ANKIB1: variants seen among roughly 807,000 people sequenced by gnomAD.
ANKIB1 encodes ankyrin repeat and IBR domain containing 1.
A neutral mutation model predicts 122.1 loss-of-function variants in ANKIB1; 43 were observed. That is an observed-to-expected ratio of 0.35 (90% CI 0.28 to 0.45). The LOEUF (loss-of-function observed/expected upper bound fraction) is 0.45. Among genes scored for constraint, ANKIB1 ranks in the 20% least tolerant of loss-of-function variants. The pLI, the probability that ANKIB1 is intolerant of heterozygous loss-of-function variation, is 1.00. For missense variants in ANKIB1, 992 were observed against 1,329.5 expected (o/e 0.75, Z 3.95); for synonymous variants, 390 against 442.0 (o/e 0.88, Z 1.48).
chr7:92,307,775 G>T (rs1430329662), intron 3 of ANKIB1, 119 bp downstream of exon 3: 359 of 406,996 alleles, frequency 8.8e-4, no homozygotes, highest in South Asian at 3.1e-3. Flanking sequence ...TTTCTCTTTT[G>T]TCTTCTAAAA....
At chr7:92,307,808 CTTTTTTTTT>C (rs71107855) in intron 3 of ANKIB1, among the ~76,000 whole-genome samples, 152 bp downstream of exon 3, 1 of 47,906 alleles carries the variant, frequency 2.1e-5, no homozygotes, top group African/African-American at 9.2e-5. Context: ...TAAAGGGCCT[CTTTTTTTTT>C]TTTTTTTTTT....
chr7:92,319,584 T>C, intron 4 of ANKIB1, 72 bp downstream of exon 4: 2 of 1,452,748 alleles, frequency 1.4e-6, no homozygotes, highest in Non-Finnish European at 1.9e-6. Flanking sequence ...TGTATTTTTC[T>C]TCTTTAAAAC....
At chr7:92,382,349 G>A (rs1019118497) in intron 11 of ANKIB1, among the ~76,000 whole-genome samples, 1 of 152,142 alleles carries the variant, frequency 6.6e-6, no homozygotes, top group Non-Finnish European at 1.5e-5. Context: ...AGGTCAACAA[G>A]GATATCCAGG....
chr7:92,300,809 A>G (rs542060813), intron 2 of ANKIB1, among the ~76,000 whole-genome samples: 3 of 152,228 alleles, frequency 2.0e-5, no homozygotes, highest in South Asian at 4.1e-4. Context: ...AACCTAATTC[A>G]TCTTCTAACT....
intron 1 of ANKIB1, among the ~76,000 whole-genome samples, chr7:92,255,160 G>A (rs1390252419): frequency 1.3e-5 from 2 of 152,108 alleles, no homozygotes; most frequent in East Asian, 1.9e-4. Flanking sequence ...GTCTTTATCA[G>A]CAATGTGAAA....
Position 92,396,543 on chromosome 7 carries a change from A to T in ANKIB1, c.2395+67A>T, listed in dbSNP as rs947510403. 3 of 806,704 alleles carry T rather than the reference A, an allele frequency of 3.7e-6. No individual in the cohort carries two copies. In the East Asian group the frequency reaches 8.3e-5, roughly 22 times the overall value. 50.0% of individuals were successfully genotyped at this position (806,704 alleles called of 1,614,324 possible). A position where few individuals can be genotyped will look rare whatever the true frequency, so the allele number is the denominator to read the frequency against. The stretch of plus-strand genomic sequence containing the variant: ...CTGAATTTATCCTTCAAACTGGCTG[A>T]TGTAAATTTTTGTGAACGAGTTTGT... On this transcript the variant is annotated intron_variant, in intron 18 of 19. Transcript: ENST00000265742.
At chr7:92,255,117 A>T (rs950406865) in intron 1 of ANKIB1, among the ~76,000 whole-genome samples, 1 of 152,216 alleles carries the variant, frequency 6.6e-6, no homozygotes, top group Non-Finnish European at 1.5e-5. Flanking sequence ...CCATAGGTCT[A>T]TTAAATCTCT....
rs1361399149 is a variant in ANKIB1, at chr7:92,397,812, C to A, written c.2485C>A (p.Arg829Ser). ...SMSVLHSSSL[R>S]DYTPASRSEN... is the part of the protein sequence containing the mutation. ...GAGTGTGCTGCACAGCTCTTCCCTGCGTGACTACACCCCTGCCAGTCGCTC... is the reference window on the plus strand; with the variant it reads ...GAGTGTGCTGCACAGCTCTTCCCTGAGTGACTACACCCCTGCCAGTCGCTC... Residue 829 changes from arginine to serine, a missense_variant, in exon 19 of 20, where the codon CGT (arginine) becomes AGT (serine). This residue lies in a region of ANKIB1 where 384 missense variants were observed against 412.0 expected (regional missense o/e 0.93). Coordinates refer to ENST00000265742, the MANE Select transcript of ANKIB1 (RefSeq NM_019004.2). 1 of 1,607,484 alleles carries A rather than the reference C, an allele frequency of 6.2e-7. No homozygotes were observed. The highest frequency in any genetic ancestry group is 2.2e-5 in the East Asian group (1 of 44,480).
chr7:92,265,520 A>G (rs925722091), intron 1 of ANKIB1, among the ~76,000 whole-genome samples: 3 of 152,252 alleles, frequency 2.0e-5, no homozygotes, highest in African/African-American at 7.2e-5. Context: ...TGCAGCTTCA[A>G]GCCATTGAAT....
intron 2 of ANKIB1, among the ~76,000 whole-genome samples, chr7:92,303,953 G>T (rs995281034): frequency 3.0e-4 from 45 of 151,920 alleles, no homozygotes; most frequent in African/African-American, 9.9e-4. Context: ...TCCTGGATGG[G>T]TTATTAGGGT....
intron 1 of ANKIB1, among the ~76,000 whole-genome samples, chr7:92,287,970 A>G (rs1384459036): frequency 6.8e-6 from 1 of 146,516 alleles, no homozygotes; most frequent in Non-Finnish European, 1.5e-5. Flanking sequence ...TGGGAGGTGG[A>G]GCTTGCAGTG....
chr7:92,308,511 A>T (rs1216303964), intron 3 of ANKIB1, among the ~76,000 whole-genome samples: 2 of 152,162 alleles, frequency 1.3e-5, no homozygotes, highest in Non-Finnish European at 2.9e-5. Context: ...GAGTCTTTTT[A>T]AAATCACTTG....
At chr7:92,306,641 T>A (rs1294522812) in intron 2 of ANKIB1, among the ~76,000 whole-genome samples, 1 of 152,114 alleles carries the variant, frequency 6.6e-6, no homozygotes, top group Non-Finnish European at 1.5e-5. Flanking sequence ...GAATGAGCCC[T>A]TACCAGACAC....
intron 1 of ANKIB1, among the ~76,000 whole-genome samples, chr7:92,285,528 A>G (rs1264403940): frequency 6.6e-6 from 1 of 152,238 alleles, no homozygotes; most frequent in African/African-American, 2.4e-5. Flanking sequence ...TCTTTACAAT[A>G]GCCTTTTAAA....
chr7:92,395,210 CTAACTT>C (rs894942123), intron 17 of ANKIB1, among the ~76,000 whole-genome samples: 21 of 152,144 alleles, frequency 1.4e-4, no homozygotes, highest in African/African-American at 5.1e-4. Context: ...TGATAACAAA[CTAACTT>C]TAAACATTGT....
At chr7:92,292,605 C>T (rs1338328822) in intron 1 of ANKIB1, among the ~76,000 whole-genome samples, 1 of 151,942 alleles carries the variant, frequency 6.6e-6, no homozygotes, top group African/African-American at 2.4e-5. Flanking sequence ...GAAAGTTTCC[C>T]AATAGTAGCT....
chr7:92,376,217 C>T (rs1018928853), intron 11 of ANKIB1, among the ~76,000 whole-genome samples: 34 of 152,116 alleles, frequency 2.2e-4, no homozygotes, highest in African/African-American at 7.7e-4. Flanking sequence ...TGCATTATCC[C>T]GTAACAAGAG....
chr7:92,254,009 C>T (rs150218308), intron 1 of ANKIB1, among the ~76,000 whole-genome samples: 8 of 152,294 alleles, frequency 5.3e-5, no homozygotes, highest in Admixed American at 2.6e-4. Context: ...TCAAGGAATA[C>T]TTTCTTGCAG....
intron 1 of ANKIB1, among the ~76,000 whole-genome samples, chr7:92,285,419 G>A (rs1585088189): frequency 6.6e-6 from 1 of 152,156 alleles, no homozygotes; most frequent in African/African-American, 2.4e-5. Context: ...TATAAGGCAT[G>A]TTTTTATATT....
Sources: gnomAD v4.1 joint callset for allele counts (sites outside exome capture counted in the v4.1 genomes callset) on GRCh38, gnomAD v4.1.1 for gene constraint, gnomAD v4.1.1 regional missense constraint, MANE v1.5 for transcripts, NCBI Gene and HGNC (gene_info 2026-07-23, HGNC 2026-07-21) for gene names.